LARP1B: variants seen among roughly 807,000 people sequenced by gnomAD.
LARP1B encodes la-related protein 1B.
Under a neutral mutation model 114.2 loss-of-function variants are expected in LARP1B, and 76 were observed. That is an observed-to-expected ratio of 0.67 (90% CI 0.55 to 0.81). LARP1B has a LOEUF of 0.81. Among genes scored for constraint, LARP1B ranks in the 30% least tolerant of loss-of-function variants. LARP1B has a pLI of 0.00. For synonymous variants in LARP1B, 345 were observed against 348.0 expected, an observed-to-expected ratio of 0.99 and a Z score of 0.10; for missense variants, 1,014 against 1,075.8, an observed-to-expected ratio of 0.94 and a Z score of 0.80.
chr4:128,103,450 T>TG (rs1298381420), intron 8 of LARP1B, among the ~76,000 whole-genome samples: 2 of 152,114 alleles, frequency 1.3e-5, no homozygotes, highest in African/African-American at 4.8e-5. Context: ...TTACCTGCCT[T>TG]GGTAGTGGTC....
At chr4:128,068,668 C>A (rs1395902987) in intron 1 of LARP1B, among the ~76,000 whole-genome samples, 1 of 152,132 alleles carries the variant, frequency 6.6e-6, no homozygotes, top group Non-Finnish European at 1.5e-5. Context: ...CTGCCTCAGC[C>A]TCCCAAAGTG....
intron 11 of LARP1B, among the ~76,000 whole-genome samples, chr4:128,126,622 A>T (rs1411714608): frequency 6.6e-6 from 1 of 152,214 alleles, no homozygotes; most frequent in Non-Finnish European, 1.5e-5. Flanking sequence ...AGAATTAGAG[A>T]ATTAGTCAAT....
At chr4:128,079,092 CTTTTTTTT>C (rs75874776) in intron 4 of LARP1B, among the ~76,000 whole-genome samples, 3 of 142,286 alleles carry the variant, frequency 2.1e-5, no homozygotes, top group African/African-American at 8.0e-5. Flanking sequence ...AATAGTTTGT[CTTTTTTTT>C]TTTTTTTTTT....
At chr4:128,075,669 C>T (rs1767536857) in intron 3 of LARP1B, among the ~76,000 whole-genome samples, 1 of 151,822 alleles carries the variant, frequency 6.6e-6, no homozygotes, top group Non-Finnish European at 1.5e-5. Flanking sequence ...ACCTTTGCCT[C>T]CCAAGTGACT....
rs1730568526 is a variant in LARP1B at position 128,146,868 on chromosome 4, A to C, written c.1525-15326A>C. ...AGGGAAGCATCCTAGAGAAGCCTAG[A>C]ACTTAAAACTAGGTCCTAAATAACG... On this transcript the variant is annotated intron_variant, in intron 11 of 19. Transcript: ENST00000326639. 2.0e-5 allele frequency among the ~76,000 whole-genome samples: 3 copies of C among 152,230 alleles called. No homozygotes were observed. The South Asian group carries it at 6.2e-4, about 32-fold the overall frequency.
At position 128,143,174 on chromosome 4, in the gene LARP1B, A is replaced by G. The variant is rs374043444; in HGVS notation, c.1525-19020A>G. On this transcript the variant is annotated intron_variant, in intron 11 of 19. Transcript: ENST00000326639. The stretch of plus-strand genomic sequence containing the variant: ...GTGGCACACAGCTGTAGTCTCAGCT[A>G]TTCGGGAGGCTGAGGCAGGAGAATC... 3.5e-4 allele frequency among the ~76,000 whole-genome samples: 54 copies of G among 152,190 alleles called. No homozygotes were observed. In the East Asian group the frequency reaches 9.7e-3, roughly 27 times the overall value.
chr4:128,095,761 C>T (rs1328449521), intron 7 of LARP1B, among the ~76,000 whole-genome samples: 3 of 151,972 alleles, frequency 2.0e-5, no homozygotes, highest in African/African-American at 7.2e-5. Flanking sequence ...CATCTTTAGT[C>T]ACTGAGTTTT....
intron 15 of LARP1B, among the ~76,000 whole-genome samples, chr4:128,186,689 G>A (rs987054607): frequency 2.0e-5 from 3 of 152,142 alleles, no homozygotes; most frequent in African/African-American, 7.2e-5. Context: ...TGGTAAAGTG[G>A]ACAACCTTGT....
chr4:128,154,685 C>T (rs1357873955), intron 11 of LARP1B, among the ~76,000 whole-genome samples: 1 of 152,174 alleles, frequency 6.6e-6, no homozygotes, highest in Non-Finnish European at 1.5e-5. Context: ...ATTTTGTGCT[C>T]AATCCCAGAA....
intron 1 of LARP1B, chr4:128,061,774 G>A (rs894298859): frequency 1.7e-5 from 17 of 984,904 alleles, no homozygotes; most frequent in Non-Finnish European, 2.0e-5. Flanking sequence ...AGTCGCTGTT[G>A]GCCGCGGCGA....
At chr4:128,207,435 C>T in intron 19 of LARP1B, 52 bp downstream of exon 19, 1 of 1,238,004 alleles carries the variant, frequency 8.1e-7, no homozygotes. Context: ...ATATTTCAGT[C>T]TCTTATCAGT....
intron 10 of LARP1B, 145 bp from the exon 11 acceptor site, chr4:128,121,677 TACTC>T: frequency 1.8e-6 from 1 of 556,236 alleles, no homozygotes; most frequent in African/African-American, 1.9e-5. Flanking sequence ...GCCAAAATAA[TACTC>T]ACTTGATTTT....
At chr4:128,158,124 A>G (rs1199526042) in intron 11 of LARP1B, among the ~76,000 whole-genome samples, 3 of 152,168 alleles carry the variant, frequency 2.0e-5, no homozygotes, top group Non-Finnish European at 4.4e-5. Flanking sequence ...AGAAGATATA[A>G]TATTTCTAAA....
intron 3 of LARP1B, among the ~76,000 whole-genome samples, chr4:128,076,394 C>CT (rs965203582): frequency 2.6e-5 from 4 of 151,970 alleles, no homozygotes; most frequent in Admixed American, 6.6e-5. Flanking sequence ...AGTAGGTACT[C>CT]TTTTTTTTCC....
intron 16 of LARP1B, among the ~76,000 whole-genome samples, chr4:128,200,312 T>G (rs1755549479): frequency 1.3e-5 from 2 of 152,052 alleles, no homozygotes; most frequent in Non-Finnish European, 2.9e-5. Context: ...TCTTAAGGAG[T>G]GTCCAGTCTA....
chr4:128,121,792 G>A lies in LARP1B; in HGVS notation c.1162-34G>A, dbSNP rs779996009. The A allele has an allele frequency of 5.7e-6, 8 of 1,404,876 alleles. No homozygotes were observed. The African/African-American group carries it at 1.0e-4, about 18-fold the overall frequency. The allele number at this position is 1,404,876 out of a possible 1,614,324, so 87.0% of individuals were successfully genotyped here. On this transcript the variant is annotated intron_variant, in intron 10 of 19. Coordinates refer to ENST00000326639, the MANE Select transcript of LARP1B (RefSeq NM_018078.4). ...ACATTTAATTTAAAAATGATAGAAA[G>A]TTTTTTATATAAATTACCAATTTCT... is the stretch of plus-strand genomic sequence containing the variant.
At position 128,079,737 on chromosome 4, in the gene LARP1B, T is replaced by A. The variant is rs569739035; in HGVS notation, c.217+1775T>A. On this transcript the variant is annotated intron_variant, in intron 4 of 19. Transcript: ENST00000326639. ...TGCCACCATGCCTGGCTAATTTTTG[T>A]ATTTTTTTGTAGAGACAGGGTTTTG... Among the ~76,000 whole-genome samples the A allele has an allele frequency of 2.3e-3, 356 of 151,912 alleles. 2 individuals carry two copies. Among genetic ancestry groups the A allele is most frequent in the African/African-American group, 8.0e-3 (332 of 41,448 alleles).
intron 3 of LARP1B, among the ~76,000 whole-genome samples, chr4:128,076,004 T>C (rs1370310798): frequency 6.6e-6 from 1 of 152,120 alleles, no homozygotes; most frequent in Admixed American, 6.6e-5. Context: ...TTCATCACAT[T>C]TCCCTCATCT....
intron 8 of LARP1B, among the ~76,000 whole-genome samples, chr4:128,101,468 A>C (rs1011265522): frequency 6.6e-6 from 1 of 152,066 alleles, no homozygotes; most frequent in Non-Finnish European, 1.5e-5. Context: ...TCTTGGTTTC[A>C]TGAAAATAAT....
Sources: allele counts gnomAD v4.1 joint callset (sites outside exome capture counted in the v4.1 genomes callset), GRCh38; gene constraint gnomAD v4.1.1; transcripts MANE v1.5; gene names NCBI Gene and HGNC (gene_info 2026-07-23, HGNC 2026-07-21).